MAST4: variants seen among roughly 807,000 people sequenced by gnomAD.
MAST4 encodes microtubule associated serine/threonine kinase family member 4.
MAST4 carries 89 observed loss-of-function variants against 162.7 expected under a neutral mutation model. The ratio of observed to expected loss-of-function variants is 0.55; its 90% CI spans 0.46 to 0.65. The LOEUF (loss-of-function observed/expected upper bound fraction) is 0.65, where lower values mean the gene tolerates loss of function less well. Among genes scored for constraint, MAST4 ranks in the 30% least tolerant of loss-of-function variants. The pLI is 0.00. For synonymous variants in MAST4, 1,479 were observed against 1,361.1 expected (o/e 1.09, Z -1.91); for missense variants, 3,153 against 3,374.0 (o/e 0.93, Z 1.62).
At chr5:66,907,949 A>G (rs1224290041) in intron 4 of MAST4, among the ~76,000 whole-genome samples, 1 of 152,094 alleles carries the variant, frequency 6.6e-6, no homozygotes, top group Non-Finnish European at 1.5e-5. Context: ...CCCCACAAAT[A>G]TTGAAGCAAA....
intron 4 of MAST4, among the ~76,000 whole-genome samples, chr5:66,930,467 A>G (rs559238669): frequency 5.3e-5 from 8 of 152,198 alleles, no homozygotes. Context: ...AAAAGGTCTG[A>G]TCTTTAGCTT....
In MAST4 at chr5:66,891,893, G is replaced by T. The variant is rs111309742; in HGVS notation, c.643-8058G>T. ...ATGTACCAGAGAAGTCCAAATACAC[G>T]CAAGGGTAGATGTATTGTTTCAGAG... On this transcript the variant is annotated intron_variant, in intron 3 of 28. Transcript: ENST00000403625. Among the ~76,000 whole-genome samples, 1,158 of 152,302 alleles carry T rather than the reference G, an allele frequency of 7.6e-3. 19 individuals are homozygous for T. Among genetic ancestry groups the T allele is most frequent in the African/African-American group, 0.026 (1,088 of 41,568 alleles).
chr5:67,092,533 T>C (rs1454735994), intron 6 of MAST4, among the ~76,000 whole-genome samples: 1 of 152,250 alleles, frequency 6.6e-6, no homozygotes, highest in Non-Finnish European at 1.5e-5. Context: ...ACAATCCACC[T>C]GATTGTGGAC....
intron 18 of MAST4, among the ~76,000 whole-genome samples, chr5:67,136,022 CTGTTTGTT>C (rs3071868): frequency 1.0e-3 from 158 of 151,770 alleles, no homozygotes; most frequent in African/African-American, 1.4e-3. Context: ...GCACTTTGAC[CTGTTTGTT>C]TGTTTGTTTG....
chr5:66,692,918 C>T (rs977800151), intron 1 of MAST4, among the ~76,000 whole-genome samples: 1 of 151,346 alleles, frequency 6.6e-6, no homozygotes, highest in Non-Finnish European at 1.5e-5. Context: ...CTTACACAGT[C>T]GTCTGTCCAT....
chr5:66,611,109 G>A (rs975400187), intron 1 of MAST4, among the ~76,000 whole-genome samples: 2 of 152,032 alleles, frequency 1.3e-5, no homozygotes, highest in African/African-American at 4.8e-5. Flanking sequence ...TTTTTTCTTT[G>A]TGTAACAGAA....
chr5:66,966,738 A>G (rs1032399785), intron 4 of MAST4, among the ~76,000 whole-genome samples: 8 of 152,248 alleles, frequency 5.3e-5, no homozygotes, highest in Admixed American at 5.2e-4. Context: ...AAAGGAGGAA[A>G]TAAGTTTGGT....
chr5:66,611,552 A>G (rs1033597474), intron 1 of MAST4, among the ~76,000 whole-genome samples: 1 of 152,246 alleles, frequency 6.6e-6, no homozygotes, highest in Admixed American at 6.5e-5. Flanking sequence ...TCTAGCAATG[A>G]CAGTGATTCC....
At chr5:66,788,607 C>CCAACCACAA in intron 2 of MAST4, 63 bp from the exon 3 acceptor site, 1 of 1,373,728 alleles carries the variant, frequency 7.3e-7, no homozygotes, top group Non-Finnish European at 1.0e-6. Flanking sequence ...CCCCCACCCC[C>CCAACCACAA]ATTGCAATAA....
chr5:66,858,633 T>C lies in MAST4; in HGVS notation c.643-41318T>C, dbSNP rs148690053. Among the ~76,000 whole-genome samples the C allele has an allele frequency of 3.0e-3, 457 of 152,336 alleles. 9 individuals are homozygous for C. Among genetic ancestry groups the C allele is most frequent in the Admixed American group, 0.022 (335 of 15,298 alleles). On this transcript the variant is annotated intron_variant, in intron 3 of 28. Transcript: ENST00000403625. ...GTCTCTTATTTTTGTTCTTCTTTTATTTAGAATTGATTTAGATATTTTTGG... is the reference window on the plus strand; with the variant it reads ...GTCTCTTATTTTTGTTCTTCTTTTACTTAGAATTGATTTAGATATTTTTGG...
chr5:66,672,056 TTTTG>T (rs1466535805), intron 1 of MAST4, among the ~76,000 whole-genome samples: 17 of 152,356 alleles, frequency 1.1e-4, no homozygotes, highest in African/African-American at 3.8e-4. Context: ...AGTGTCTTAA[TTTTG>T]TTTGATTTAA....
At position 67,037,068 on chromosome 5, in the gene MAST4, G is replaced by A. The variant is rs758561915; in HGVS notation, c.675-17336G>A. Among the ~76,000 whole-genome samples, 5 of 152,208 alleles carry A rather than the reference G, an allele frequency of 3.3e-5. No homozygotes were observed. In the East Asian group the frequency reaches 5.8e-4, roughly 18 times the overall value. On this transcript the variant is annotated intron_variant, in intron 4 of 28. Transcript: ENST00000403625. ...AAAAACCTGCCACATAAAAGAGGTC[G>A]TTAATTCCAGGGTGGTTGTTGAGTG...
intron 4 of MAST4, among the ~76,000 whole-genome samples, chr5:66,976,636 G>A (rs1026205147): frequency 2.0e-5 from 3 of 152,218 alleles, no homozygotes; most frequent in Non-Finnish European, 4.4e-5. Flanking sequence ...GGCTCATCTG[G>A]GAACCAGGAG....
At chr5:66,883,331 AG>A (rs574692084) in intron 3 of MAST4, among the ~76,000 whole-genome samples, 450 of 152,086 alleles carry the variant, frequency 3.0e-3, no homozygotes, top group Admixed American at 4.5e-3. Flanking sequence ...AATTTGTTCA[AG>A]GAGACTAGGA....
At chr5:67,100,369 C>G (rs1764900319) in intron 7 of MAST4, 66 bp from the exon 8 acceptor site, 10 of 1,521,636 alleles carry the variant, frequency 6.6e-6, no homozygotes, top group Non-Finnish European at 9.0e-6. Context: ...ACTCATCGAT[C>G]TCTCCTGTTC....
intron 1 of MAST4, among the ~76,000 whole-genome samples, chr5:66,628,332 CTT>C (rs1019787158): frequency 2.3e-5 from 3 of 131,042 alleles, no homozygotes; most frequent in African/African-American, 8.7e-5. Context: ...CGGTGCCTGA[CTT>C]TTTTTCTTTT....
At chr5:67,106,999 T>C (rs1425547792) in intron 10 of MAST4, among the ~76,000 whole-genome samples, 1 of 152,230 alleles carries the variant, frequency 6.6e-6, no homozygotes, top group Non-Finnish European at 1.5e-5. Context: ...CAGAAAATGC[T>C]GGAAACACTA....
At chr5:67,145,962 C>T (rs768754662) in intron 23 of MAST4, among the ~76,000 whole-genome samples, 11 of 152,312 alleles carry the variant, frequency 7.2e-5, no homozygotes, top group Middle Eastern at 3.4e-3. Flanking sequence ...TGCAACAAGA[C>T]GCTTAATGCT....
At chr5:66,920,506 T>G (rs1764460633) in intron 4 of MAST4, among the ~76,000 whole-genome samples, 1 of 152,194 alleles carries the variant, frequency 6.6e-6, no homozygotes, top group African/African-American at 2.4e-5. Context: ...ATTTAAGTGT[T>G]ATTAATATGT....
Sources: gnomAD v4.1 joint callset for allele counts (sites outside exome capture counted in the v4.1 genomes callset) on GRCh38, gnomAD v4.1.1 for gene constraint, MANE v1.5 for transcripts, NCBI Gene and HGNC (gene_info 2026-07-23, HGNC 2026-07-21) for gene names.